The following KCNMA1 variants were observed in gnomAD, a reference collection of about 807,000 sequenced individuals.
KCNMA1 encodes the protein Calcium-activated potassium channel subunit alpha-1.
A neutral mutation model predicts 140.0 loss-of-function variants in KCNMA1; 29 were observed. That is an observed-to-expected ratio of 0.21 (90% CI 0.15 to 0.28). The LOEUF (loss-of-function observed/expected upper bound fraction) is 0.28. Among genes scored for constraint, KCNMA1 ranks in the 10% least tolerant of loss-of-function variants. The pLI is 1.00. For missense variants in KCNMA1, 880 were observed against 1,602.2 expected, an observed-to-expected ratio of 0.55 and a Z score of 7.70; for synonymous variants, 612 against 611.9, an observed-to-expected ratio of 1.00 and a Z score of 0.00.
intron 2 of KCNMA1, among the ~76,000 whole-genome samples, chr10:77,321,203 G>T (rs1196489317): frequency 6.6e-6 from 1 of 152,160 alleles, no homozygotes; most frequent in Non-Finnish European, 1.5e-5. Flanking sequence ...GATCATAATG[G>T]ACAGAAGGCT....
chr10:77,272,087 T>A (rs963790635), intron 2 of KCNMA1, among the ~76,000 whole-genome samples: 5 of 152,168 alleles, frequency 3.3e-5, no homozygotes, highest in Admixed American at 1.3e-4. Flanking sequence ...CACTGGCCTG[T>A]CCCCTCACAC....
chr10:77,153,886 G>C lies in KCNMA1; in HGVS notation c.808+29535C>G, dbSNP rs545537621. 3.3e-5 allele frequency among the ~76,000 whole-genome samples: 5 copies of C among 152,212 alleles called. No homozygotes were observed. The East Asian group carries it at 5.8e-4, about 18-fold the overall frequency. On this transcript the variant is annotated intron_variant, in intron 5 of 27. Coordinates refer to ENST00000286628, the MANE Select transcript of KCNMA1 (RefSeq NM_001161352.2). ...CATTACCTAATGGACAGGAGTCTCC[G>C]GGCCCAGCTCTGTTGCTTATTAACT... is the stretch of plus-strand genomic sequence containing the variant.
Position 76,885,527 on chromosome 10 carries a change from C to T in KCNMA1, c.*1739G>A, listed in dbSNP as rs184468198. On this transcript the variant is annotated 3_prime_UTR_variant, in exon 28 of 28. Transcript: ENST00000286628. ...TCCAAAACTATCATGCTTGAGGGGA[C>T]GGGGGATCCAAAATCTAAATCCAAA... 7.6e-4 allele frequency: 744 copies of T among 985,128 alleles called. 5 individuals carry two copies. The African/African-American group carries it at 0.012, about 15-fold the overall frequency. The allele number at this position is 985,128 out of a possible 1,614,324, so 61.0% of individuals were successfully genotyped here. A position where few individuals can be genotyped will look rare whatever the true frequency, so the allele number is the denominator to read the frequency against.
intron 21 of KCNMA1, among the ~76,000 whole-genome samples, chr10:76,951,711 T>C (rs2066314505): frequency 6.6e-6 from 1 of 152,212 alleles, no homozygotes; most frequent in Admixed American, 6.5e-5. Context: ...TGGATCATAC[T>C]TTCCAGACAG....
intron 2 of KCNMA1, among the ~76,000 whole-genome samples, chr10:77,308,380 TCATCTTGAGGGCAA>T (rs2078351574): frequency 6.6e-6 from 1 of 152,184 alleles, no homozygotes; most frequent in Non-Finnish European, 1.5e-5. Context: ...AAATGATTGC[TCATCTTGAGGGCAA>T]CATCCCAGAC....
intron 1 of KCNMA1, among the ~76,000 whole-genome samples, chr10:77,498,198 T>G (rs2042616856): frequency 6.6e-6 from 1 of 152,142 alleles, no homozygotes; most frequent in African/African-American, 2.4e-5. Flanking sequence ...GTGAGGCCCT[T>G]GAAGAACCTC....
chr10:76,936,215 C>G (rs1216662318), intron 23 of KCNMA1, among the ~76,000 whole-genome samples: 1 of 152,148 alleles, frequency 6.6e-6, no homozygotes, highest in Non-Finnish European at 1.5e-5. Flanking sequence ...AGGGCAGGCC[C>G]CTTTCTGTAC....
chr10:76,949,932 C>A lies in KCNMA1; in HGVS notation c.2485-566G>T, dbSNP rs188882528. On this transcript the variant is annotated intron_variant, in intron 21 of 27. Coordinates refer to ENST00000286628, the MANE Select transcript of KCNMA1 (RefSeq NM_001161352.2). ...GGAGTGGAAAACTACGACCCACAGG[C>A]CAAATCTGGCCCACTACATTCTTTT... 4.6e-5 allele frequency among the ~76,000 whole-genome samples: 7 copies of A among 152,172 alleles called. No homozygotes were observed. In the East Asian group the frequency reaches 1.2e-3, roughly 25 times the overall value.
intron 16 of KCNMA1, among the ~76,000 whole-genome samples, chr10:77,023,980 C>T (rs2093145043): frequency 6.6e-6 from 1 of 152,194 alleles, no homozygotes; most frequent in South Asian, 2.1e-4. Flanking sequence ...AGGACTTACT[C>T]AGCCTGCATC....
Position 76,887,392 on chromosome 10 carries a change from C to A in KCNMA1, c.3585G>T (p.Ser1195=), listed in dbSNP as rs201067872. 1.9e-6 allele frequency: 3 copies of A among 1,613,946 alleles called. No individual in the cohort carries two copies. The highest frequency in any genetic ancestry group is 2.7e-5 in the African/African-American group (2 of 74,880). The stretch of plus-strand genomic sequence containing the variant: ...AGCTCTTCTTGCTGGAGGACTGCGA[C>A]GAGTGGGAGGAATGGGACAGGCTGG... The part of the protein sequence containing the change: ...SRASLSHSSH[S]SQSSSKKSSS... Residue 1195 remains serine (S), a synonymous_variant, in exon 28 of 28, where the codon TCG becomes TCT. Transcript: ENST00000286628.
At chr10:77,404,103 C>A in intron 1 of KCNMA1, 80 bp from the exon 2 acceptor site, 5 of 1,447,886 alleles carry the variant, frequency 3.5e-6, no homozygotes, top group East Asian at 2.3e-5. Context: ...AGAACCAGAG[C>A]CAGAAGGGGT....
At chr10:77,195,301 T>C (rs2040089184) in intron 3 of KCNMA1, among the ~76,000 whole-genome samples, 1 of 152,142 alleles carries the variant, frequency 6.6e-6, no homozygotes, top group Non-Finnish European at 1.5e-5. Context: ...TGCTGCTGAT[T>C]AGAAGTCATG....
intron 1 of KCNMA1, among the ~76,000 whole-genome samples, chr10:77,408,420 ATG>A (rs2096539023): frequency 6.6e-6 from 1 of 150,978 alleles, no homozygotes; most frequent in Non-Finnish European, 1.5e-5. Flanking sequence ...GAGTGTGTGC[ATG>A]TGTGTGCACG....
At chr10:77,283,181 T>C (rs564780054) in intron 2 of KCNMA1, among the ~76,000 whole-genome samples, 1 of 152,248 alleles carries the variant, frequency 6.6e-6, no homozygotes. Flanking sequence ...CTGCACAGGC[T>C]GTGTTGCAGA....
intron 2 of KCNMA1, among the ~76,000 whole-genome samples, chr10:77,391,735 C>T (rs1388443000): frequency 8.6e-5 from 13 of 151,888 alleles, no homozygotes; most frequent in African/African-American, 1.5e-4. Context: ...CCCGTAGGCA[C>T]GAGTCAGTCT....
At chr10:76,999,482 G>A (rs2085479703) in intron 19 of KCNMA1, among the ~76,000 whole-genome samples, 1 of 152,168 alleles carries the variant, frequency 6.6e-6, no homozygotes, top group Non-Finnish European at 1.5e-5. Flanking sequence ...ATCAGTCAAA[G>A]AGATGTGACC....
chr10:77,583,796 G>A (rs1003909153), intron 1 of KCNMA1, among the ~76,000 whole-genome samples: 1 of 152,166 alleles, frequency 6.6e-6, no homozygotes, highest in African/African-American at 2.4e-5. Context: ...GACTCAACAG[G>A]AGAGGCCAAC....
At chr10:77,575,194 G>A (rs2673457) in intron 1 of KCNMA1, among the ~76,000 whole-genome samples, 139,122 of 152,174 alleles carry the variant, frequency 0.91, 63,736 homozygotes, top group South Asian at 0.97. Flanking sequence ...CAGCCCCACC[G>A]TTCCAATGCT....
intron 1 of KCNMA1, among the ~76,000 whole-genome samples, chr10:77,607,989 C>T (rs1354564483): frequency 1.3e-5 from 2 of 152,050 alleles, no homozygotes; most frequent in African/African-American, 2.4e-5. Flanking sequence ...ATCCTCTTTC[C>T]TCCATCCTCT....
Sources: gnomAD v4.1 joint callset for allele counts (sites outside exome capture counted in the v4.1 genomes callset) on GRCh38, gnomAD v4.1.1 for gene constraint, MANE v1.5 for transcripts, NCBI Gene and HGNC (gene_info 2026-07-23, HGNC 2026-07-21) for gene names.